Variants in UROS observed in about 807,000 individuals in gnomAD.
UROS encodes the protein uroporphyrinogen-III synthase.
Under a neutral mutation model 33.0 loss-of-function variants are expected in UROS, and 18 were observed. The ratio of observed to expected loss-of-function variants is 0.55; its 90% CI spans 0.38 to 0.81. The LOEUF (loss-of-function observed/expected upper bound fraction) is 0.81, where lower values mean the gene tolerates loss of function less well. Ranked by LOEUF, UROS falls within the 30% of genes least tolerant of loss-of-function variation. The pLI is 0.00. For synonymous variants in UROS, 114 were observed against 121.1 expected, an observed-to-expected ratio of 0.94 and a Z score of 0.38; for missense variants, 293 against 314.9, an observed-to-expected ratio of 0.93 and a Z score of 0.53.
chr10:125,795,178 G>C (rs911137140), intron 8 of UROS, 200 bp from the exon 9 acceptor site: 3 of 616,898 alleles, frequency 4.9e-6, no homozygotes, highest in Non-Finnish European at 8.8e-6. Flanking sequence ...AGAGCAGGCT[G>C]CCATCAGAAA....
rs1850744483 is a variant in UROS, at chr10:125,789,132, T to C, written c.661-127A>G. 2.1e-6 allele frequency: 3 copies of C among 1,449,432 alleles called. No individual in the cohort carries two copies. In the Admixed American group the frequency reaches 5.8e-5, roughly 28 times the overall value. The allele number at this position is 1,449,432 out of a possible 1,614,324, so 89.8% of individuals were successfully genotyped here. ...GACGTTACTGCTCATGTGACGTGTT[T>C]ATAAAAATGACAACACTGCCCGATT... is the stretch of plus-strand genomic sequence containing the variant. On this transcript the variant is annotated intron_variant, in intron 9 of 9. Coordinates refer to ENST00000368797, the MANE Select transcript of UROS (RefSeq NM_000375.3).
Position 125,794,941 on chromosome 10 carries a change from C to T in UROS, c.599G>A (p.Gly200Asp). 3 of 1,614,138 alleles carry T rather than the reference C, an allele frequency of 1.9e-6. No individual in the cohort carries two copies. The highest frequency in any genetic ancestry group is 2.7e-5 in the African/African-American group (2 of 75,016). The change falls in exon 9 of 10, where the codon GGC becomes GAC. Residue 200 changes from glycine (G) to aspartate (D), a missense_variant. Gly to Asp is a moderately conservative substitution (Grantham distance 94, BLOSUM62 -1). Transcript: ENST00000368797. ...AATGTGCTTGAGACTGTATGTGAGG[C>T]CAGAGGGACTAAAAAATGTGATGCT... ...PASITFFSPS[G>D]LTYSLKHIQE...
chr10:125,786,300 A>G (rs1378632276), downstream of UROS, among the ~76,000 whole-genome samples: 1 of 148,562 alleles, frequency 6.7e-6, no homozygotes, highest in Non-Finnish European at 1.5e-5. Flanking sequence ...TTTTTTAGAC[A>G]GAGTTTTGCT....
At chr10:125,797,339 T>C (rs752657414) in intron 7 of UROS, among the ~76,000 whole-genome samples, 6 of 152,172 alleles carry the variant, frequency 3.9e-5, no homozygotes, top group Non-Finnish European at 8.8e-5. Flanking sequence ...ATGAGGCAGG[T>C]ACCATGGTTA....
intron 1 of UROS, among the ~76,000 whole-genome samples, chr10:125,820,064 G>GCAT: frequency 6.6e-6 from 1 of 152,176 alleles, no homozygotes; most frequent in South Asian, 2.1e-4. Flanking sequence ...TGGTGTTCTG[G>GCAT]GTATCAGCAA....
At chr10:125,786,553 C>T (rs141330093), downstream of UROS, among the ~76,000 whole-genome samples, 5 of 152,208 alleles carry the variant, frequency 3.3e-5, 1 homozygote, top group South Asian at 4.2e-4. Context: ...TGTGAGCCAC[C>T]GCGCCTGGCC....
At chr10:125,812,127 A>AAT (rs1291707686) in intron 5 of UROS, 87 bp downstream of exon 5, 1 of 1,324,472 alleles carries the variant, frequency 7.6e-7, no homozygotes, top group African/African-American at 1.5e-5. Context: ...AGCAAAAAAT[A>AAT]ATATTTTTAA....
chr10:125,805,493 C>T (rs1234573564), intron 6 of UROS, among the ~76,000 whole-genome samples: 1 of 152,114 alleles, frequency 6.6e-6, no homozygotes, highest in African/African-American at 2.4e-5. Flanking sequence ...CTTGGACCCC[C>T]AAGAGTCTCT....
intron 1 of UROS, among the ~76,000 whole-genome samples, chr10:125,818,808 T>G (rs534155085): frequency 5.9e-5 from 9 of 152,176 alleles, no homozygotes; most frequent in Non-Finnish European, 1.2e-4. Flanking sequence ...TTCTTTCCTG[T>G]AGTAGATGCT....
intron 5 of UROS, among the ~76,000 whole-genome samples, chr10:125,810,075 T>G (rs534524143): frequency 1.3e-5 from 2 of 152,306 alleles, no homozygotes; most frequent in African/African-American, 4.8e-5. Context: ...TTTCCTAACC[T>G]GATTCCCAGG....
chr10:125,794,333 T>C (rs1851172126), intron 9 of UROS: 1 of 992,080 alleles, frequency 1.0e-6, no homozygotes, highest in Non-Finnish European at 1.2e-6. Flanking sequence ...CCTTGGGCTC[T>C]GGGTCACATC....
intron 1 of UROS, among the ~76,000 whole-genome samples, chr10:125,818,102 C>T (rs1383280242): frequency 6.6e-6 from 1 of 152,156 alleles, no homozygotes; most frequent in African/African-American, 2.4e-5. Flanking sequence ...CAACTACTAC[C>T]CTTATCCTTT....
chr10:125,811,523 A>G (rs920129420), intron 5 of UROS, among the ~76,000 whole-genome samples: 1 of 152,164 alleles, frequency 6.6e-6, no homozygotes, highest in Admixed American at 6.5e-5. Flanking sequence ...GCAACTCCCA[A>G]CTGGTTTCTT....
intron 1 of UROS, among the ~76,000 whole-genome samples, chr10:125,822,186 C>T (rs1853984409): frequency 6.6e-6 from 1 of 152,198 alleles, no homozygotes; most frequent in Admixed American, 6.5e-5. Context: ...ATGGGAAGAC[C>T]TGGCTGCCCC....
chr10:125,807,447 TC>T lies in UROS; in HGVS notation c.359del (p.Gly120GlufsTer46). 3.7e-6 allele frequency: 6 copies of T among 1,614,192 alleles called. No homozygotes were observed. The highest frequency in any genetic ancestry group is 5.1e-6 in the Non-Finnish European group (6 of 1,180,026). ...TATATTCTGCAAGCTTTTCTGCATT[TC>T]CACAGGTTTCTCCTTCTGTATCCAG... is the stretch of plus-strand genomic sequence containing the variant. Reference protein sequence around the residue: ...IGLDTEGETCGNAEKLAEYIC... With the variant: ...IGLDTEGETCXNAEKLAEYIC... On this transcript the variant is annotated frameshift_variant, in exon 6 of 10. Coordinates refer to ENST00000368797, the MANE Select transcript of UROS (RefSeq NM_000375.3). LOFTEE classifies it high-confidence loss of function.
At chr10:125,789,048 G>A (rs988643025) in intron 9 of UROS, 43 bp from the exon 10 acceptor site, 2 of 1,609,432 alleles carry the variant, frequency 1.2e-6, no homozygotes, top group African/African-American at 1.3e-5. Context: ...CACACCAGGA[G>A]GGGCTGGGGC....
At chr10:125,790,799 T>A (rs1460882134) in intron 9 of UROS, among the ~76,000 whole-genome samples, 118 of 101,784 alleles carry the variant, frequency 1.2e-3, no homozygotes, top group African/African-American at 3.6e-3. Context: ...AAAAAAAAAA[T>A]GTATTCAGAG....
rs1464271350 is a variant in UROS at position 125,812,295 on chromosome 10, A to G, written c.245-7T>C. 1 of 1,613,480 alleles carries G rather than the reference A, an allele frequency of 6.2e-7. No individual in the cohort carries two copies. The highest frequency in any genetic ancestry group is 2.2e-5 in the East Asian group (1 of 44,850). ...TTCAGAGACCTTTCCCAGACTGTAAAACATGAAATGATATGTGAATTGCAA... is the reference window on the plus strand; with the variant it reads ...TTCAGAGACCTTTCCCAGACTGTAAGACATGAAATGATATGTGAATTGCAA... On this transcript the variant is annotated splice_polypyrimidine_tract_variant and splice_region_variant and intron_variant, in intron 4 of 9. Transcript: ENST00000368797.
At chr10:125,819,321 C>T (rs973734184) in intron 1 of UROS, among the ~76,000 whole-genome samples, 3 of 152,184 alleles carry the variant, frequency 2.0e-5, no homozygotes, top group Non-Finnish European at 4.4e-5. Flanking sequence ...TGCTCTGAAG[C>T]TTGCCTCGGT....
Sources: allele counts gnomAD v4.1 joint callset (sites outside exome capture counted in the v4.1 genomes callset), GRCh38; gene constraint gnomAD v4.1.1; transcripts MANE v1.5; gene names NCBI Gene and HGNC (gene_info 2026-07-23, HGNC 2026-07-21).